PPP3CB: variants seen among roughly 807,000 people sequenced by gnomAD.
PPP3CB encodes the protein serine/threonine-protein phosphatase 2B catalytic subunit beta isoform.
A neutral mutation model predicts 66.4 loss-of-function variants in PPP3CB; 8 were observed. That is an observed-to-expected ratio of 0.12 (90% CI 0.07 to 0.22). PPP3CB has a LOEUF of 0.22. Ranked by LOEUF, PPP3CB falls within the 10% of genes least tolerant of loss-of-function variation. The pLI, the probability that PPP3CB is intolerant of heterozygous loss-of-function variation, is 1.00. For missense variants in PPP3CB, 319 were observed against 642.5 expected, an observed-to-expected ratio of 0.50 and a Z score of 5.44; for synonymous variants, 208 against 221.2, an observed-to-expected ratio of 0.94 and a Z score of 0.53.
chr10:73,494,950 C>G (rs2057158304), intron 1 of PPP3CB, among the ~76,000 whole-genome samples: 1 of 152,184 alleles, frequency 6.6e-6, no homozygotes, highest in South Asian at 2.1e-4. Flanking sequence ...GAATCTTAAG[C>G]AACTCTCAAT....
chr10:73,467,009 C>A (rs1001385796), intron 9 of PPP3CB: 2 of 152,074 alleles, frequency 1.3e-5, no homozygotes, highest in African/African-American at 4.8e-5. Flanking sequence ...TATGTACTAA[C>A]AAGTGTTCCT....
chr10:73,439,786 T>C, intron 13 of PPP3CB, 86 bp downstream of exon 13: 1 of 1,443,038 alleles, frequency 6.9e-7, no homozygotes, highest in African/African-American at 1.4e-5. Context: ...CTGTAAAAGC[T>C]AGGAGTAAAA....
At chr10:73,472,040 C>T (rs1015789586) in intron 4 of PPP3CB, among the ~76,000 whole-genome samples, 1 of 152,036 alleles carries the variant, frequency 6.6e-6, no homozygotes, top group Non-Finnish European at 1.5e-5. Context: ...TAAGAATCAA[C>T]AAAAATATGC....
Position 73,470,698 on chromosome 10 carries a change from T to C in PPP3CB, c.971A>G (p.Tyr324Cys). ...CAACAATATCTTACCTTTATTATTG[T>C]AGACATCTAAGTAATTAGGTGCCGA... The part of the protein sequence containing the change: ...IFSAPNYLDV[Y>C]NNKAAVLKYE... The change falls in exon 8 of 14, where the codon TAC becomes TGC. Residue 324 changes from tyrosine to cysteine, a missense_variant. This residue lies in a region of PPP3CB where 120 missense variants were observed against 331.2 expected (regional missense o/e 0.36). Coordinates refer to ENST00000360663, the MANE Select transcript of PPP3CB (RefSeq NM_021132.4). The C allele has an allele frequency of 1.3e-6, 2 of 1,556,630 alleles. No individual in the cohort carries two copies. The highest frequency in any genetic ancestry group is 1.4e-5 in the African/African-American group (1 of 73,232).
chr10:73,439,520 G>A (rs764002701), intron 13 of PPP3CB, among the ~76,000 whole-genome samples: 1 of 152,210 alleles, frequency 6.6e-6, no homozygotes, highest in South Asian at 2.1e-4. Flanking sequence ...GCAAAATATG[G>A]AACAGATCTC....
intron 4 of PPP3CB, among the ~76,000 whole-genome samples, chr10:73,473,629 C>T (rs910904872): frequency 2.6e-5 from 4 of 151,104 alleles, no homozygotes; most frequent in African/African-American, 4.9e-5. Flanking sequence ...CCAGCCAGGG[C>T]GACAGAGCGA....
At chr10:73,441,642 A>G (rs1385335367) in intron 12 of PPP3CB, among the ~76,000 whole-genome samples, 1 of 152,186 alleles carries the variant, frequency 6.6e-6, no homozygotes, top group Non-Finnish European at 1.5e-5. Flanking sequence ...TGCTATCTCA[A>G]ACTGTGTTCC....
At chr10:73,477,267 C>T (rs569620557) in intron 3 of PPP3CB, 7 of 514,212 alleles carry the variant, frequency 1.4e-5, no homozygotes, top group Admixed American at 1.2e-4. Flanking sequence ...TTTGACCCCA[C>T]AATTCTACCT....
chr10:73,476,207 A>G (rs2056785724), intron 3 of PPP3CB, among the ~76,000 whole-genome samples: 1 of 152,180 alleles, frequency 6.6e-6, no homozygotes, highest in Admixed American at 6.5e-5. Flanking sequence ...GTAACTATTC[A>G]TATCCTTCAT....
At chr10:73,488,589 T>C (rs1203467389) in intron 1 of PPP3CB, among the ~76,000 whole-genome samples, 1 of 145,426 alleles carries the variant, frequency 6.9e-6, no homozygotes, top group East Asian at 2.0e-4. Context: ...TCATGAAGAA[T>C]GATATAACCA....
intron 9 of PPP3CB, among the ~76,000 whole-genome samples, chr10:73,462,693 T>TAA (rs2132878923): frequency 6.6e-6 from 1 of 152,190 alleles, no homozygotes; most frequent in African/African-American, 2.4e-5. Context: ...CTCACACCTG[T>TAA]AATCCCAGCA....
intron 1 of PPP3CB, among the ~76,000 whole-genome samples, chr10:73,494,667 A>T (rs2057147690): frequency 6.6e-6 from 1 of 152,104 alleles, no homozygotes. Context: ...AAAAAAGAAA[A>T]AAGGTTTCCT....
chr10:73,444,971 T>G (rs1438974902), intron 11 of PPP3CB, 149 bp from the exon 12 acceptor site: 2 of 845,626 alleles, frequency 2.4e-6, no homozygotes, highest in Non-Finnish European at 3.6e-6. Flanking sequence ...CATTAATTTT[T>G]CTATATTTTA....
At chr10:73,489,712 C>T (rs1032315683) in intron 1 of PPP3CB, among the ~76,000 whole-genome samples, 3 of 152,202 alleles carry the variant, frequency 2.0e-5, no homozygotes, top group Non-Finnish European at 4.4e-5. Context: ...TACTGCTTAA[C>T]AGCTTAAGTT....
chr10:73,438,881 G>A (rs543956065), intron 13 of PPP3CB, among the ~76,000 whole-genome samples: 52 of 152,248 alleles, frequency 3.4e-4, no homozygotes, highest in African/African-American at 1.2e-3. Context: ...GAGCTTGGGA[G>A]GAGAAAGAGT....
At position 73,437,066 on chromosome 10, in the gene PPP3CB, A is replaced by G. The variant is rs1471442303; in HGVS notation, c.*1176T>C. 6.5e-6 allele frequency: 1 copy of G among 152,678 alleles called. No homozygotes were observed. The highest frequency in any genetic ancestry group is 1.5e-5 in the Non-Finnish European group (1 of 68,042). The allele number at this position is 152,678 out of a possible 1,614,324, so 9.5% of individuals were successfully genotyped here. On this transcript the variant is annotated 3_prime_UTR_variant, in exon 14 of 14. Transcript: ENST00000360663. ...AGGTCAATAATTGTGAAAAATTAGC[A>G]CATGGTTCCATTTAGTTTAACCAAG... is the stretch of plus-strand genomic sequence containing the variant.
chr10:73,473,158 A>G (rs1357022612), intron 4 of PPP3CB, among the ~76,000 whole-genome samples: 1 of 152,130 alleles, frequency 6.6e-6, no homozygotes, highest in Non-Finnish European at 1.5e-5. Flanking sequence ...TATCTTACTC[A>G]TTTAGGTTAA....
In PPP3CB at chr10:73,479,486, T is replaced by C. The variant is rs752437096; in HGVS notation, c.117A>G (p.Thr39=). 4.3e-6 allele frequency: 7 copies of C among 1,613,994 alleles called. No homozygotes were observed. In the East Asian group the frequency reaches 1.1e-4, roughly 26 times the overall value. Residue 39 remains threonine (T), a synonymous_variant, in exon 2 of 14, where the codon ACA becomes ACG. Transcript: ENST00000360663. ...AVPFPPTHRL[T]SEEVFDLDGI... is the part of the protein sequence containing the mutation. ...CATCCAAATCAAATACTTCTTCAGATGTCAAGCGATGTGTTGGGGGGAAAG... is the reference window on the plus strand; with the variant it reads ...CATCCAAATCAAATACTTCTTCAGACGTCAAGCGATGTGTTGGGGGGAAAG...
chr10:73,481,246 T>C (rs528709868), intron 1 of PPP3CB, among the ~76,000 whole-genome samples: 2 of 149,476 alleles, frequency 1.3e-5, no homozygotes, highest in East Asian at 2.0e-4. Flanking sequence ...CCAAGGCCAG[T>C]GGATCACTTG....
Sources: allele counts gnomAD v4.1 joint callset (sites outside exome capture counted in the v4.1 genomes callset), GRCh38; gene constraint gnomAD v4.1.1; regional missense constraint gnomAD v4.1.1; transcripts MANE v1.5; gene names NCBI Gene and HGNC (gene_info 2026-07-23, HGNC 2026-07-21).